IL1RAPL1: variants seen among roughly 807,000 people sequenced by gnomAD.
IL1RAPL1 encodes interleukin 1 receptor accessory protein like 1.
In IL1RAPL1, 3 loss-of-function variants were observed where a neutral mutation model predicts 48.4. The ratio of observed to expected loss-of-function variants is 0.06; its 90% CI spans 0.03 to 0.16. The LOEUF (loss-of-function observed/expected upper bound fraction) is 0.16, where lower values mean the gene tolerates loss of function less well. Ranked by LOEUF, IL1RAPL1 falls within the 10% of genes least tolerant of loss-of-function variation. The probability of loss-of-function intolerance (pLI) is 1.00; values close to 1 mark genes in which losing one functional copy is unlikely to be tolerated. For synonymous variants in IL1RAPL1, 185 were observed against 187.7 expected (o/e 0.99, Z 0.12); for missense variants, 349 against 530.6 (o/e 0.66, Z 3.36).
intron 3 of IL1RAPL1, among the ~76,000 whole-genome samples, chrX:29,316,522 G>A (rs1932770980): frequency 8.9e-6 from 1 of 112,174 alleles, no homozygotes; most frequent in South Asian, 3.7e-4. Flanking sequence ...AATATTTTAG[G>A]CAGTCAGATT....
At chrX:29,725,871 C>T (rs1011402445) in intron 6 of IL1RAPL1, among the ~76,000 whole-genome samples, 2 of 112,323 alleles carry the variant, frequency 1.8e-5, no homozygotes, top group Non-Finnish European at 3.8e-5. Context: ...CTTTCCAGCA[C>T]CTCACCTGAT....
chrX:29,187,476 C>T (rs1183103241), intron 2 of IL1RAPL1, among the ~76,000 whole-genome samples: 3 of 111,031 alleles, frequency 2.7e-5, no homozygotes, highest in African/African-American at 6.6e-5. Context: ...GGTCAGATGA[C>T]GCCTGTTTGT....
intron 5 of IL1RAPL1, among the ~76,000 whole-genome samples, chrX:29,445,834 G>T (rs1333334537): frequency 5.4e-5 from 6 of 111,752 alleles, no homozygotes; most frequent in African/African-American, 2.0e-4. Flanking sequence ...TGAAGGTTTT[G>T]AGTTCTGAGT....
chrX:29,151,914 C>T (rs922109920), intron 2 of IL1RAPL1, among the ~76,000 whole-genome samples: 7 of 111,866 alleles, frequency 6.3e-5, no homozygotes, highest in Non-Finnish European at 1.1e-4. Flanking sequence ...ACTGTATTTG[C>T]TCTGCCAGCC....
chrX:29,319,160 G>GTCTGTCTGCCTGTCTGTCTATCTA (rs370282992), intron 3 of IL1RAPL1, among the ~76,000 whole-genome samples: 2 of 84,988 alleles, frequency 2.4e-5, no homozygotes, highest in Admixed American at 2.9e-4. Flanking sequence ...CTATCTGTCT[G>GTCTGTCTGCCTGTCTGTCTATCTA]TCTATCTATC....
At chrX:28,990,827 A>AAACT (rs1328250749) in intron 2 of IL1RAPL1, among the ~76,000 whole-genome samples, 1 of 111,715 alleles carries the variant, frequency 9.0e-6, no homozygotes, top group Non-Finnish European at 1.9e-5. Flanking sequence ...GCTTTCATAT[A>AAACT]AACTCTTCGG....
chrX:29,945,935 C>T (rs778882275), intron 9 of IL1RAPL1, among the ~76,000 whole-genome samples: 1 of 110,866 alleles, frequency 9.0e-6, no homozygotes, highest in Admixed American at 9.6e-5. Flanking sequence ...GCATTCAGTC[C>T]TTAGCATTTC....
At chrX:29,340,336 T>A (rs1349485989) in intron 3 of IL1RAPL1, among the ~76,000 whole-genome samples, 1 of 110,923 alleles carries the variant, frequency 9.0e-6, no homozygotes, top group African/African-American at 3.3e-5. Flanking sequence ...GTTCCCCATC[T>A]CTCCCACTTC....
intron 5 of IL1RAPL1, among the ~76,000 whole-genome samples, chrX:29,439,398 C>G (rs1305825290): frequency 1.8e-5 from 2 of 111,874 alleles, no homozygotes; most frequent in Admixed American, 9.5e-5. Context: ...TCACTTCTAC[C>G]TGTATTCCAT....
At chrX:28,971,721 T>A (rs1008207504) in intron 2 of IL1RAPL1, among the ~76,000 whole-genome samples, 1 of 109,898 alleles carries the variant, frequency 9.1e-6, no homozygotes, top group African/African-American at 3.3e-5. Context: ...CGTGAGAGAG[T>A]GTGTGTGTTC....
intron 2 of IL1RAPL1, among the ~76,000 whole-genome samples, chrX:29,003,606 A>G (rs1016480049): frequency 1.8e-5 from 2 of 112,022 alleles, no homozygotes; most frequent in African/African-American, 6.5e-5. Flanking sequence ...TTTACCCAAT[A>G]TATTTGCATA....
At chrX:29,156,144 C>T (rs1354524592) in intron 2 of IL1RAPL1, among the ~76,000 whole-genome samples, 1 of 111,610 alleles carries the variant, frequency 9.0e-6, no homozygotes, top group Non-Finnish European at 1.9e-5. Flanking sequence ...GGGCTCTTAG[C>T]TAGCATTTGA....
intron 6 of IL1RAPL1, among the ~76,000 whole-genome samples, chrX:29,785,429 A>AATGCTTGAT (rs1209133404): frequency 5.3e-5 from 6 of 112,366 alleles, no homozygotes; most frequent in African/African-American, 1.9e-4. Context: ...CACATTAGAA[A>AATGCTTGAT]ATGCTTGATA....
chrX:28,973,667 T>C (rs1569211316), intron 2 of IL1RAPL1, among the ~76,000 whole-genome samples: 1 of 112,039 alleles, frequency 8.9e-6, no homozygotes, highest in Non-Finnish European at 1.9e-5. Context: ...GATATTTCTT[T>C]GTTTATTACA....
At chrX:28,924,085 T>G (rs1440346585) in intron 2 of IL1RAPL1, 1 of 111,476 alleles carries the variant, frequency 9.0e-6, no homozygotes. Context: ...CTGATGAAAT[T>G]TATCTTGATA....
At chrX:29,924,390 G>A (rs143779619) in intron 8 of IL1RAPL1, among the ~76,000 whole-genome samples, 3,193 of 112,084 alleles carry the variant, frequency 0.028, 54 homozygotes, top group Non-Finnish European at 0.044. Context: ...TGAATGTACT[G>A]TCCTAAAGGA....
chrX:28,784,427 G>A (rs1190537782), intron 1 of IL1RAPL1, among the ~76,000 whole-genome samples: 1 of 111,741 alleles, frequency 8.9e-6, no homozygotes, highest in Non-Finnish European at 1.9e-5. Flanking sequence ...TAAGAAAAGA[G>A]CTAGCATTAG....
chrX:28,929,442 G>A (rs1923825744), intron 2 of IL1RAPL1, among the ~76,000 whole-genome samples: 3 of 111,593 alleles, frequency 2.7e-5, no homozygotes, highest in African/African-American at 9.8e-5. Context: ...CCTTACTGAA[G>A]TCACCAGGGT....
chrX:29,084,207 T>C (rs1927904009), intron 2 of IL1RAPL1, among the ~76,000 whole-genome samples: 1 of 112,084 alleles, frequency 8.9e-6, no homozygotes, highest in Admixed American at 9.5e-5. Context: ...TTAAAAACCC[T>C]GTACCTACCA....
Sources: allele counts gnomAD v4.1 joint callset (sites outside exome capture counted in the v4.1 genomes callset), GRCh38; gene constraint gnomAD v4.1.1; transcripts MANE v1.5; gene names NCBI Gene and HGNC (gene_info 2026-07-23, HGNC 2026-07-21).